RGS19: variants seen among roughly 807,000 people sequenced by gnomAD.
RGS19 encodes G alpha interacting protein.
RGS19 carries 9 observed loss-of-function variants against 22.0 expected under a neutral mutation model. The ratio of observed to expected loss-of-function variants is 0.41; its 90% CI spans 0.25 to 0.71. RGS19 has a LOEUF of 0.71. Ranked by LOEUF, RGS19 falls within the 30% of genes least tolerant of loss-of-function variation. The pLI is 0.32. For synonymous variants in RGS19, 130 were observed against 127.3 expected, an observed-to-expected ratio of 1.02 and a Z score of -0.14; for missense variants, 256 against 307.1, an observed-to-expected ratio of 0.83 and a Z score of 1.24.
In RGS19 at chr20:64,074,473, T is replaced by C. The variant is rs1296861033; in HGVS notation, c.221A>G (p.Glu74Gly). The C allele has an allele frequency of 6.3e-7, 1 of 1,585,678 alleles. No homozygotes were observed. Among genetic ancestry groups the C allele is most frequent in the Admixed American group, 1.8e-5 (1 of 55,922 alleles). Residue 74 changes from glutamate to glycine, a missense_variant, in exon 4 of 6, where the codon GAA (glutamate) becomes GGA (glycine). Glu to Gly is a moderately conservative substitution (Grantham distance 98). Transcript: ENST00000395042. The part of the protein sequence containing the change: ...ESKLQPLPSC[E>G]VCATPSPEEV... ...ACCAGCCGGCTGGACTCACCATACTTCACAGCTGGGGAGGGGCTGCAGCTT... is the reference window on the plus strand; with the variant it reads ...ACCAGCCGGCTGGACTCACCATACTCCACAGCTGGGGAGGGGCTGCAGCTT...
chr20:64,078,694 C>G (rs2059930732), intron 1 of RGS19, among the ~76,000 whole-genome samples: 1 of 152,180 alleles, frequency 6.6e-6, no homozygotes, highest in Non-Finnish European at 1.5e-5. Flanking sequence ...TTCCTGTACC[C>G]TTCTCAGGTC....
rs1249823066 is a variant in RGS19, at chr20:64,074,219, C to T, written c.387G>A (p.Glu129=). Residue 129 remains glutamate (E), a synonymous_variant, in exon 5 of 6, where the codon GAG becomes GAA. Transcript: ENST00000395042. ...TCTCGTCTACCACATGCTGGTTGGCCTCGGCCTTCAGCTCCTCGCAGGCCA... is the reference window on the plus strand; with the variant it reads ...TCTCGTCTACCACATGCTGGTTGGCTTCGGCCTTCAGCTCCTCGCAGGCCA... The part of the protein sequence containing the change: ...FWLACEELKA[E]ANQHVVDEKA... 1 of 1,614,042 alleles carries T rather than the reference C, an allele frequency of 6.2e-7. No individual in the cohort carries two copies. Among genetic ancestry groups the T allele is most frequent in the Non-Finnish European group, 8.5e-7 (1 of 1,180,020 alleles).
At chr20:64,079,918 C>G (rs908716408), upstream of RGS19, 6 of 148,368 alleles carry the variant, frequency 4.0e-5, no homozygotes, top group African/African-American at 1.5e-4. This position sits in a 1 kb window ranked among gnomAD's most constrained non-coding sequence, Gnocchi z 5.1. Context: ...CCCGCGCGCT[C>G]CAAGGTCCGG....
chr20:64,078,281 T>TCCAATACCCCCGAGGCCTGGGCA (rs145377821), intron 1 of RGS19, among the ~76,000 whole-genome samples: 130 of 150,986 alleles, frequency 8.6e-4, no homozygotes, highest in South Asian at 1.3e-3. Context: ...CCGGCCCAGT[T>TCCAATACCCCCGAGGCCTGGGCA]TCCTCTGAGA....
Position 64,075,936 on chromosome 20 carries a change from C to A in RGS19, c.152+589G>T, listed in dbSNP as rs1474540838. ...TGCTCTTGTTGCCCAGGCTGGAGTGCAATGACGCGATCTCGGCTCAACGCA... is the reference window on the plus strand; with the variant it reads ...TGCTCTTGTTGCCCAGGCTGGAGTGAAATGACGCGATCTCGGCTCAACGCA... On this transcript the variant is annotated intron_variant, in intron 3 of 5. Transcript: ENST00000395042. The surrounding 1 kb of genome is among the most constrained non-coding windows in gnomAD (Gnocchi z 4.6). Among the ~76,000 whole-genome samples the A allele has an allele frequency of 6.6e-6, 1 of 151,650 alleles. No homozygotes were observed. The highest frequency in any genetic ancestry group is 1.5e-5 in the Non-Finnish European group (1 of 67,934).
Position 64,076,923 on chromosome 20 carries a change from C to T in RGS19, c.-37G>A. 6.7e-7 allele frequency: 1 copy of T among 1,499,476 alleles called. No homozygotes were observed. Among genetic ancestry groups the T allele is most frequent in the Non-Finnish European group, 8.9e-7 (1 of 1,128,698 alleles). 92.9% of individuals were successfully genotyped at this position (1,499,476 alleles called of 1,614,324 possible). A position where few individuals can be genotyped will look rare whatever the true frequency, so the allele number is the denominator to read the frequency against. On this transcript the variant is annotated 5_prime_UTR_variant, in exon 2 of 6. Transcript: ENST00000395042. The stretch of plus-strand genomic sequence containing the variant: ...GGAGGTTGCCCAGGCTCCGTGGTAC[C>T]AGCTCTCAGACCCTCACCACAGCCT...
intron 1 of RGS19, among the ~76,000 whole-genome samples, chr20:64,078,319 T>TCTGGGGC (rs2059925661): frequency 3.5e-5 from 1 of 28,918 alleles, no homozygotes; most frequent in Admixed American, 6.5e-4. Context: ...TCCTAGCAAG[T>TCTGGGGC]AGATGAGGAG....
chr20:64,074,022 C>T lies in RGS19; in HGVS notation c.485G>A (p.Arg162Gln), dbSNP rs755556137. Residue 162 changes from arginine to glutamine, a missense_variant, in exon 6 of 6, where the codon CGG (arginine) becomes CAG (glutamine). Transcript: ENST00000395042. ...CTGCATCTTCTTGTTGATGCCCTCC[C>T]GCACACGGGAGTCCAGGCTCACCTG... The part of the protein sequence containing the change: ...PKEVSLDSRV[R>Q]EGINKKMQEP... 35 of 1,612,846 alleles carry T rather than the reference C, an allele frequency of 2.2e-5. No individual in the cohort carries two copies. The highest frequency in any genetic ancestry group is 1.6e-4 in the Middle Eastern group (1 of 6,072).
chr20:64,076,671 G>T, intron 2 of RGS19, 25 bp from the exon 3 acceptor site: 1 of 1,586,154 alleles, frequency 6.3e-7, no homozygotes, highest in Non-Finnish European at 8.6e-7. Context: ...GGCTACCTCA[G>T]CTTTCAGGTC....
rs2059935995 is a variant in RGS19 at position 64,079,092 on chromosome 20, C to T, written c.-69+202G>A. Among the ~76,000 whole-genome samples, 1 of 152,192 alleles carries T rather than the reference C, an allele frequency of 6.6e-6. No individual in the cohort carries two copies. ...GGCCTTTCCCATCTGCCACCCTCCACATCTGGCTGGTGGGCGAGCCCTGGC... is the reference window on the plus strand; with the variant it reads ...GGCCTTTCCCATCTGCCACCCTCCATATCTGGCTGGTGGGCGAGCCCTGGC... On this transcript the variant is annotated intron_variant, in intron 1 of 5. Transcript: ENST00000395042. This position sits in a 1 kb window ranked among gnomAD's most constrained non-coding sequence, Gnocchi z 5.1.
intron 2 of RGS19, 62 bp downstream of exon 2, chr20:64,076,795 C>T: frequency 1.3e-6 from 2 of 1,564,898 alleles, no homozygotes; most frequent in Non-Finnish European, 1.7e-6. Context: ...TCCTTGTGGC[C>T]CCTCAGCTTG....
Position 64,079,300 on chromosome 20 carries a change from C to G in RGS19, c.-75G>C, listed in dbSNP as rs1030648485. ...CTCAAAGCTCCCTACTCACCAGCGACCCAAAGGCGGGGTGGGGGCAGGAGG... is the reference window on the plus strand; with the variant it reads ...CTCAAAGCTCCCTACTCACCAGCGAGCCAAAGGCGGGGTGGGGGCAGGAGG... On this transcript the variant is annotated 5_prime_UTR_variant, in exon 1 of 6. Transcript: ENST00000395042. This position sits in a 1 kb window ranked among gnomAD's most constrained non-coding sequence, Gnocchi z 5.1. 2.0e-5 allele frequency: 3 copies of G among 152,212 alleles called. No individual in the cohort carries two copies. The highest frequency in any genetic ancestry group is 4.4e-5 in the Non-Finnish European group (3 of 68,058). 9.4% of individuals were successfully genotyped at this position (152,212 alleles called of 1,614,324 possible). A position where few individuals can be genotyped will look rare whatever the true frequency, so the allele number is the denominator to read the frequency against.
Position 64,074,284 on chromosome 20 carries a change from G to A in RGS19, c.322C>T (p.Leu108=), listed in dbSNP as rs1275936360. 1.9e-6 allele frequency: 3 copies of A among 1,613,154 alleles called. No homozygotes were observed. The highest frequency in any genetic ancestry group is 2.5e-6 in the Non-Finnish European group (3 of 1,180,030). ...PAGRSVFRAF[L]RTEYSEENML... ...TTCTCCTCGCTGTACTCTGTCCGCAGGAACGCCCGGAACACGCTGCGTCCC... is the reference window on the plus strand; with the variant it reads ...TTCTCCTCGCTGTACTCTGTCCGCAAGAACGCCCGGAACACGCTGCGTCCC... Residue 108 remains leucine, a synonymous_variant, in exon 5 of 6, where the codon CTG becomes TTG. Transcript: ENST00000395042.
chr20:64,074,640 C>T, intron 3 of RGS19, 99 bp from the exon 4 acceptor site: 1 of 1,177,446 alleles, frequency 8.5e-7, no homozygotes, highest in South Asian at 1.5e-5. Flanking sequence ...ACATGGGCAC[C>T]CACTGCAGGA....
Position 64,073,878 on chromosome 20 carries a change from G to A in RGS19, c.629C>T (p.Pro210Leu). The change falls in exon 6 of 6, where the codon CCA (proline) becomes CTA (leucine). Residue 210 changes from proline (P) to leucine (L), a missense_variant. By Grantham distance (98) the Pro-to-Leu change is moderately conservative (BLOSUM62 -3). Coordinates refer to ENST00000395042, the MANE Select transcript of RGS19 (RefSeq NM_005873.3). Reference sequence around the variant, plus strand: ...CTAGGCCTCGGAGGAGGACTGTGATGGCCCCTGCAGCAGCAGGGCACGGTA... The same window carrying A: ...CTAGGCCTCGGAGGAGGACTGTGATAGCCCCTGCAGCAGCAGGGCACGGTA... Reference protein sequence around the residue: ...PTYRALLLQGPSQSSSEA With the variant: ...PTYRALLLQGLSQSSSEA 6.2e-7 allele frequency: 1 copy of A among 1,612,886 alleles called. No homozygotes were observed. The highest frequency in any genetic ancestry group is 8.5e-7 in the Non-Finnish European group (1 of 1,179,514).
At chr20:64,076,079 G>C (rs4616531) in intron 3 of RGS19, among the ~76,000 whole-genome samples, 151,318 of 152,176 alleles carry the variant, frequency 0.99, 75,236 homozygotes, top group Middle Eastern at 1. Flanking sequence ...CAGGGTTTCT[G>C]CACATTGGTC....
intron 2 of RGS19, 89 bp from the exon 3 acceptor site, chr20:64,076,735 C>T (rs2059908763): frequency 1.4e-5 from 22 of 1,521,788 alleles, no homozygotes; most frequent in Non-Finnish European, 1.8e-5. Context: ...TAGCCCTGTT[C>T]CCAGGCACAT....
At chr20:64,076,423 C>T (rs2059905618) in intron 3 of RGS19, 102 bp downstream of exon 3, 2 of 1,550,968 alleles carry the variant, frequency 1.3e-6, no homozygotes, top group Non-Finnish European at 1.7e-6. Flanking sequence ...GGCATCCTGC[C>T]TGCGGGGATG....
At chr20:64,074,583 C>T (rs760412060) in intron 3 of RGS19, 42 bp from the exon 4 acceptor site, 8 of 1,514,954 alleles carry the variant, frequency 5.3e-6, no homozygotes, top group Non-Finnish European at 7.1e-6. Flanking sequence ...GGCACACACG[C>T]CTCCACGGCC....
Sources: gnomAD v4.1 joint callset for allele counts (sites outside exome capture counted in the v4.1 genomes callset) on GRCh38, gnomAD v4.1.1 for gene constraint, Gnocchi (gnomAD v3.1) non-coding constraint, MANE v1.5 for transcripts, NCBI Gene and HGNC (gene_info 2026-07-23, HGNC 2026-07-21) for gene names.